The following CADM1 variants were observed in gnomAD, a reference collection of about 807,000 sequenced individuals.
CADM1 encodes cell adhesion molecule 1, also known as TSLC-1.
CADM1 carries 15 observed loss-of-function variants against 53.1 expected under a neutral mutation model. That is an observed-to-expected ratio of 0.28 (90% CI 0.19 to 0.44). CADM1 has a LOEUF of 0.44. Among genes scored for constraint, CADM1 ranks in the 20% least tolerant of loss-of-function variants. CADM1 has a pLI of 1.00. For synonymous variants in CADM1, 281 were observed against 243.0 expected (o/e 1.16, Z -1.45); for missense variants, 434 against 611.3 (o/e 0.71, Z 3.06).
chr11:115,174,121 C>T lies in CADM1; in HGVS notation c.*2353G>A. 1 of 985,258 alleles carries T rather than the reference C, an allele frequency of 1.0e-6. No individual in the cohort carries two copies. The highest frequency in any genetic ancestry group is 1.2e-6 in the Non-Finnish European group (1 of 829,846). 61.0% of individuals were successfully genotyped at this position (985,258 alleles called of 1,614,324 possible). A position where few individuals can be genotyped will look rare whatever the true frequency, so the allele number is the denominator to read the frequency against. On this transcript the variant is annotated 3_prime_UTR_variant, in exon 12 of 12. Coordinates refer to ENST00000331581, the MANE Select transcript of CADM1 (RefSeq NM_001301043.2). ...TTTGCAATCTACCTGAGACGGAAAA[C>T]ACCAATCGCAACACATGAACCTGAG...
chr11:115,304,525 G>T (rs1221372405), intron 1 of CADM1, among the ~76,000 whole-genome samples: 2 of 152,006 alleles, frequency 1.3e-5, no homozygotes, highest in African/African-American at 4.8e-5. Flanking sequence ...TTTAGGAAGA[G>T]ATATAACTAT....
intron 1 of CADM1, among the ~76,000 whole-genome samples, chr11:115,319,501 A>G (rs912071997): frequency 2.0e-5 from 3 of 152,284 alleles, no homozygotes; most frequent in African/African-American, 7.2e-5. Context: ...TATTTAAATC[A>G]CTATTTTGGT....
chr11:115,344,554 T>A (rs1407208916), intron 1 of CADM1, among the ~76,000 whole-genome samples: 1 of 152,054 alleles, frequency 6.6e-6, no homozygotes. Context: ...CTCCCCTACC[T>A]CACCCTCCAC....
At chr11:115,400,790 T>C (rs1418603536) in intron 1 of CADM1, among the ~76,000 whole-genome samples, 4 of 148,244 alleles carry the variant, frequency 2.7e-5, no homozygotes, top group African/African-American at 5.0e-5. Context: ...TAAACAACAA[T>C]GATGTATCAC....
intron 1 of CADM1, among the ~76,000 whole-genome samples, chr11:115,491,980 AG>A (rs1243818604): frequency 6.6e-6 from 1 of 152,224 alleles, no homozygotes; most frequent in Non-Finnish European, 1.5e-5. Context: ...TAGCATTAGG[AG>A]AAATACCTAA....
At chr11:115,385,447 C>T (rs1359496946) in intron 1 of CADM1, among the ~76,000 whole-genome samples, 1 of 152,102 alleles carries the variant, frequency 6.6e-6, no homozygotes, top group African/African-American at 2.4e-5. Flanking sequence ...ATGCCTCCAG[C>T]CAGCCAGCAA....
chr11:115,205,004 C>A (rs571182911), intron 8 of CADM1, among the ~76,000 whole-genome samples: 2 of 152,236 alleles, frequency 1.3e-5, no homozygotes, highest in South Asian at 4.1e-4. Flanking sequence ...TTAGAAATGA[C>A]CTACTTCATT....
chr11:115,229,631 G>C lies in CADM1; in HGVS notation c.563-360C>G, dbSNP rs559617162. Among the ~76,000 whole-genome samples, 10 of 152,160 alleles carry C rather than the reference G, an allele frequency of 6.6e-5. No individual in the cohort carries two copies. In the South Asian group the frequency reaches 2.1e-3, roughly 32 times the overall value. ...CTCAAGGTATTCAGGAGGAGAAAAA[G>C]AAAAATGTTTTTCACCCCTACAACC... On this transcript the variant is annotated intron_variant, in intron 4 of 11. Coordinates refer to ENST00000331581, the MANE Select transcript of CADM1 (RefSeq NM_001301043.2).
At chr11:115,178,892 A>G in intron 10 of CADM1, 117 bp from the exon 11 acceptor site, 1 of 1,073,130 alleles carries the variant, frequency 9.3e-7, no homozygotes, top group Non-Finnish European at 1.4e-6. Context: ...GGAGTCACAG[A>G]GAACAATCGA....
chr11:115,321,963 A>G (rs1159515873), intron 1 of CADM1, among the ~76,000 whole-genome samples: 1 of 152,202 alleles, frequency 6.6e-6, no homozygotes, highest in Non-Finnish European at 1.5e-5. Context: ...ATCATGCATC[A>G]TCCACATAAC....
intron 1 of CADM1, among the ~76,000 whole-genome samples, chr11:115,482,117 AT>A (rs1565448674): frequency 6.6e-6 from 1 of 152,004 alleles, no homozygotes; most frequent in African/African-American, 2.4e-5. Context: ...TCCGCCCATT[AT>A]CTCTCTACCT....
chr11:115,413,644 C>CTT (rs71066424), intron 1 of CADM1, among the ~76,000 whole-genome samples: 8 of 120,912 alleles, frequency 6.6e-5, no homozygotes, highest in African/African-American at 1.2e-4. Flanking sequence ...CAGCTCAGTT[C>CTT]TTTTTTTTTT....
intron 1 of CADM1, among the ~76,000 whole-genome samples, chr11:115,417,912 C>A (rs1372019223): frequency 6.6e-6 from 1 of 152,152 alleles, no homozygotes; most frequent in Non-Finnish European, 1.5e-5. Flanking sequence ...AAGCAAACGA[C>A]ACCTGTAGTG....
intron 10 of CADM1, among the ~76,000 whole-genome samples, chr11:115,182,421 G>A (rs959069297): frequency 6.6e-6 from 1 of 152,180 alleles, no homozygotes; most frequent in African/African-American, 2.4e-5. Flanking sequence ...ATCCTGAAAA[G>A]TAAAGCCATG....
At position 115,175,081 on chromosome 11, in the gene CADM1, G is replaced by C; in HGVS notation, c.*1393C>G. The C allele has an allele frequency of 1.0e-6, 1 of 985,878 alleles. No individual in the cohort carries two copies. The highest frequency in any genetic ancestry group is 1.2e-6 in the Non-Finnish European group (1 of 829,938). The allele number at this position is 985,878 out of a possible 1,614,324, so 61.1% of individuals were successfully genotyped here. On this transcript the variant is annotated 3_prime_UTR_variant, in exon 12 of 12. Coordinates refer to ENST00000331581, the MANE Select transcript of CADM1 (RefSeq NM_001301043.2). ...AGGCTGAGGAAAGAGGCCAAGGCTA[G>C]TGTATGAAAGGTAAAAAGATAAAAA...
intron 1 of CADM1, among the ~76,000 whole-genome samples, chr11:115,302,204 T>C (rs751127150): frequency 6.6e-6 from 1 of 151,910 alleles, no homozygotes; most frequent in Admixed American, 6.6e-5. Context: ...TAATGAGTAT[T>C]AGGCTTAATA....
chr11:115,368,859 C>T (rs946126784), intron 1 of CADM1, among the ~76,000 whole-genome samples: 4 of 151,516 alleles, frequency 2.6e-5, no homozygotes, highest in Non-Finnish European at 4.4e-5. Context: ...AGCTATTGAG[C>T]ACTTGTAATG....
intron 1 of CADM1, among the ~76,000 whole-genome samples, chr11:115,425,347 T>C (rs1489214154): frequency 6.6e-6 from 1 of 152,254 alleles, no homozygotes; most frequent in Non-Finnish European, 1.5e-5. Context: ...CTGTATCAAA[T>C]GAGAACAGGC....
At chr11:115,452,756 A>G (rs1948602208) in intron 1 of CADM1, among the ~76,000 whole-genome samples, 2 of 152,180 alleles carry the variant, frequency 1.3e-5, no homozygotes, top group Non-Finnish European at 1.5e-5. Context: ...TGCATATGTA[A>G]TATTTTACTA....
Sources: gnomAD v4.1 joint callset for allele counts (sites outside exome capture counted in the v4.1 genomes callset) on GRCh38, gnomAD v4.1.1 for gene constraint, MANE v1.5 for transcripts, NCBI Gene and HGNC (gene_info 2026-07-23, HGNC 2026-07-21) for gene names.